CSNK2A2IP: variants seen among roughly 807,000 people sequenced by gnomAD.
CSNK2A2IP encodes casein kinase II subunit alpha'-interacting protein.
the CSNK2A2IP span, among the ~76,000 whole-genome samples, chr3:88,461,608 A>G: frequency 6.6e-5 from 10 of 152,268 alleles, no homozygotes; most frequent in African/African-American, 2.4e-4. Context: ...AAATTTTCCA[A>G]AGGAGTTGTA....
chr3:88,467,117 GCCAACAGC>G, the CSNK2A2IP span: 2 of 454,412 alleles, frequency 4.4e-6, no homozygotes, highest in Non-Finnish European at 7.2e-6. Context: ...AAAGTTATAG[GCCAACAGC>G]CCCAGGCTAT....
chr3:88,400,023 C>T, the CSNK2A2IP span, among the ~76,000 whole-genome samples: 1 of 152,054 alleles, frequency 6.6e-6, no homozygotes, highest in African/African-American at 2.4e-5. Flanking sequence ...TAAAATGAAG[C>T]ATATAATGAG....
At chr3:88,460,585 T>C in the CSNK2A2IP span, among the ~76,000 whole-genome samples, 1 of 152,172 alleles carries the variant, frequency 6.6e-6, no homozygotes, top group Non-Finnish European at 1.5e-5. Context: ...TCATTTTTTA[T>C]ACTTTTTATT....
the CSNK2A2IP span, among the ~76,000 whole-genome samples, chr3:88,359,930 A>C: frequency 2.6e-5 from 4 of 152,122 alleles, no homozygotes; most frequent in Admixed American, 2.6e-4. Context: ...TTTTCTGTCT[A>C]GATGATCTGT....
the CSNK2A2IP span, among the ~76,000 whole-genome samples, chr3:88,418,465 C>T: frequency 1.4e-4 from 9 of 62,394 alleles, no homozygotes; most frequent in African/African-American, 2.1e-4. Context: ...TGTGTGTGTG[C>T]GCGCGGGCGT....
At chr3:88,452,083 A>G in the CSNK2A2IP span, among the ~76,000 whole-genome samples, 6 of 152,232 alleles carry the variant, frequency 3.9e-5, no homozygotes, top group South Asian at 1.2e-3. Context: ...AGAGGAAAGA[A>G]TAATTGCTAA....
At chr3:88,422,842 TA>T in the CSNK2A2IP span, among the ~76,000 whole-genome samples, 3 of 152,350 alleles carry the variant, frequency 2.0e-5, 1 homozygote, top group Admixed American at 2.0e-4. Flanking sequence ...CTTCATCTTT[TA>T]ATCTTATTTT....
the CSNK2A2IP span, among the ~76,000 whole-genome samples, chr3:88,420,734 T>G: frequency 6.6e-6 from 1 of 152,014 alleles, no homozygotes; most frequent in Non-Finnish European, 1.5e-5. Context: ...TTTGGGAATG[T>G]ATGTTATTTG....
At chr3:88,427,932 C>T in the CSNK2A2IP span, among the ~76,000 whole-genome samples, 1 of 152,108 alleles carries the variant, frequency 6.6e-6, no homozygotes, top group Admixed American at 6.5e-5. Flanking sequence ...GGCCACCATC[C>T]CCCAGACCCC....
chr3:88,366,962 A>G, the CSNK2A2IP span, among the ~76,000 whole-genome samples: 1 of 151,998 alleles, frequency 6.6e-6, no homozygotes, highest in Non-Finnish European at 1.5e-5. Context: ...AAATCATCCG[A>G]TCTCTTGAGA....
the CSNK2A2IP span, among the ~76,000 whole-genome samples, chr3:88,401,038 C>T: frequency 6.6e-6 from 1 of 151,926 alleles, no homozygotes; most frequent in Non-Finnish European, 1.5e-5. Context: ...TAGGTTAAGG[C>T]CTTGAAATAC....
the CSNK2A2IP span, among the ~76,000 whole-genome samples, chr3:88,435,551 G>T: frequency 6.6e-6 from 1 of 152,014 alleles, no homozygotes; most frequent in Non-Finnish European, 1.5e-5. Context: ...CCAATACCGA[G>T]GTTTATGGAG....
chr3:88,390,101 AGAAGCTTGAAAAGCTTCTTGG>A, the CSNK2A2IP span, among the ~76,000 whole-genome samples: 1 of 152,076 alleles, frequency 6.6e-6, no homozygotes, highest in Non-Finnish European at 1.5e-5. Context: ...CATGGACACT[AGAAGCTTGAAAAGCTTCTTGG>A]GGAGGAGGGT....
chr3:88,373,056 C>G, the CSNK2A2IP span, among the ~76,000 whole-genome samples: 1 of 151,384 alleles, frequency 6.6e-6, no homozygotes, highest in Non-Finnish European at 1.5e-5. Context: ...TGTTTCTCTT[C>G]AGTAATTGAT....
the CSNK2A2IP span, among the ~76,000 whole-genome samples, chr3:88,345,964 T>C: frequency 1.3e-5 from 2 of 151,724 alleles, no homozygotes; most frequent in African/African-American, 4.8e-5. Flanking sequence ...AACAGGTTCT[T>C]GAAGGGAATT....
chr3:88,466,047 G>C, the CSNK2A2IP span: 1 of 1,231,528 alleles, frequency 8.1e-7, no homozygotes, highest in Non-Finnish European at 1.0e-6. Context: ...ACTACCTTTG[G>C]ACATCTTCAT....
At chr3:88,350,604 A>AG in the CSNK2A2IP span, among the ~76,000 whole-genome samples, 1 of 151,508 alleles carries the variant, frequency 6.6e-6, no homozygotes, top group Admixed American at 6.6e-5. Context: ...GATGATGAAA[A>AG]AAAAAAAAAC....
the CSNK2A2IP span, among the ~76,000 whole-genome samples, chr3:88,353,527 G>A: frequency 1.3e-5 from 2 of 152,088 alleles, no homozygotes; most frequent in African/African-American, 4.8e-5. Flanking sequence ...CTGAGCAACC[G>A]CAATAAACAC....
At chr3:88,414,366 T>G in the CSNK2A2IP span, among the ~76,000 whole-genome samples, 1 of 126,892 alleles carries the variant, frequency 7.9e-6, no homozygotes, top group Non-Finnish European at 1.6e-5. Flanking sequence ...CACTGTAACC[T>G]CCGCCTCCTG....
Sources: gnomAD v4.1 joint callset for allele counts (sites outside exome capture counted in the v4.1 genomes callset) on GRCh38, gnomAD v4.1.1 for gene constraint, MANE v1.5 for transcripts, NCBI Gene and HGNC (gene_info 2026-07-23, HGNC 2026-07-21) for gene names.